Variants in TSBP1 observed in about 807,000 individuals in gnomAD.
The protein encoded by TSBP1 is testis-expressed basic protein 1.
Under a neutral mutation model 68.8 loss-of-function variants are expected in TSBP1, and 56 were observed. The observed-to-expected ratio is 0.81, with a 90% confidence interval of 0.66 to 1.02. TSBP1 has a LOEUF of 1.02. Among genes scored for constraint, TSBP1 ranks in the 50% least tolerant of loss-of-function variants. The pLI is 0.00. For missense variants in TSBP1, 502 were observed against 641.2 expected (o/e 0.78, Z 2.34); for synonymous variants, 171 against 208.7 (o/e 0.82, Z 1.56).
Position 32,321,941 on chromosome 6 carries a change from A to G in TSBP1, c.559+1176T>C, listed in dbSNP as rs995166609. Among the ~76,000 whole-genome samples, 4 of 152,228 alleles carry G rather than the reference A, an allele frequency of 2.6e-5. No homozygotes were observed. The highest frequency in any genetic ancestry group is 5.9e-5 in the Non-Finnish European group (4 of 68,040). Reference sequence around the variant, plus strand: ...GAAGAGGTTGGCTGGAGCAGGCAGCAGCTACCCTCTTCAGACTATATGTGT... The same window carrying G: ...GAAGAGGTTGGCTGGAGCAGGCAGCGGCTACCCTCTTCAGACTATATGTGT... On this transcript the variant is annotated intron_variant, in intron 18 of 22. Coordinates refer to ENST00000612031, the Ensembl canonical transcript of TSBP1. The surrounding 1 kb of genome is among the most constrained non-coding windows in gnomAD (Gnocchi z 4.3).
At position 32,330,511 on chromosome 6, in the gene TSBP1, T is replaced by C. The variant is rs1768852320; in HGVS notation, c.514+78A>G. Reference sequence around the variant, plus strand: ...TGGCAGTGAGACACATCTAGGGCATTTGAGACAGGGAACAGGCCCTCTAGA... The same window carrying C: ...TGGCAGTGAGACACATCTAGGGCATCTGAGACAGGGAACAGGCCCTCTAGA... On this transcript the variant is annotated intron_variant, in intron 16 of 22. Transcript: ENST00000612031. 24 of 1,364,908 alleles carry C rather than the reference T, an allele frequency of 1.8e-5. No individual in the cohort carries two copies. The South Asian group carries it at 2.4e-4, about 14-fold the overall frequency. The allele number at this position is 1,364,908 out of a possible 1,614,324, so 84.5% of individuals were successfully genotyped here.
At position 32,361,460 on chromosome 6, in the gene TSBP1, C is replaced by T. The variant is rs527507077; in HGVS notation, c.217+4707G>A. Among the ~76,000 whole-genome samples the T allele has an allele frequency of 6.6e-6, 1 of 152,284 alleles. No homozygotes were observed. The highest frequency in any genetic ancestry group is 2.4e-5 in the African/African-American group (1 of 41,554). ...GATCCTTGAGGAATCACCACACTGT[C>T]TTCCACAATGGTTGAACTAGTTTAC... On this transcript the variant is annotated intron_variant, in intron 6 of 22. Coordinates refer to ENST00000612031, the Ensembl canonical transcript of TSBP1. The surrounding 1 kb of genome is among the most constrained non-coding windows in gnomAD (Gnocchi z 4.3).
intron 2 of TSBP1, 22 bp downstream of exon 2, chr6:32,369,875 A>T: frequency 6.9e-7 from 1 of 1,454,710 alleles, no homozygotes; most frequent in Non-Finnish European, 9.7e-7. Context: ...GGAAATCTTC[A>T]TTTTGACTCA....
chr6:32,318,059 C>T (rs1018732650), intron 18 of TSBP1, among the ~76,000 whole-genome samples: 1 of 152,130 alleles, frequency 6.6e-6, no homozygotes, highest in Non-Finnish European at 1.5e-5. Flanking sequence ...CCTAAATGCC[C>T]GTCAACGATA....
intron 18 of TSBP1, 77 bp downstream of exon 20, chr6:32,322,409 A>G: frequency 1.9e-6 from 2 of 1,035,574 alleles, no homozygotes; most frequent in Non-Finnish European, 3.0e-6. Flanking sequence ...TATGAGAAAT[A>G]TGAGGCACTT....
intron 9 of TSBP1, among the ~76,000 whole-genome samples, chr6:32,344,860 T>G (rs9268269): frequency 0.74 from 108,035 of 145,214 alleles, 40,065 homozygotes; most frequent in South Asian, 0.85. Flanking sequence ...GGTTTTTTTT[T>G]TGGGGCTGGG....
rs1299171399 is a variant in TSBP1 at position 32,333,008 on chromosome 6, TTTG to T, written c.473-957_473-955del. On this transcript the variant is annotated intron_variant, in intron 14 of 22. Coordinates refer to ENST00000612031, the Ensembl canonical transcript of TSBP1. This position sits in a 1 kb window ranked among gnomAD's most constrained non-coding sequence, Gnocchi z 4.2. ...AATATCGAAAGCCTGTTATGTTTTT[TTTG>T]TTGTTGTTTTTTTTTTAGACAGAGT... is the stretch of plus-strand genomic sequence containing the variant. 6.6e-6 allele frequency among the ~76,000 whole-genome samples: 1 copy of T among 151,960 alleles called. No individual in the cohort carries two copies. Among genetic ancestry groups the T allele is most frequent in the Non-Finnish European group, 1.5e-5 (1 of 67,986 alleles).
rs545593480 is a variant in TSBP1 at position 32,302,869 on chromosome 6, C to T, written c.581-240G>A. ...CTCTAATTGAGCTCTCTGCTTTCAC[C>T]CTTGCCTCCCAGTCAGTTCCCAGTA... On this transcript the variant is annotated intron_variant, in intron 19 of 22. Transcript: ENST00000612031. This position sits in a 1 kb window ranked among gnomAD's most constrained non-coding sequence, Gnocchi z 5.1. 6.6e-6 allele frequency among the ~76,000 whole-genome samples: 1 copy of T among 152,296 alleles called. No homozygotes were observed. The highest frequency in any genetic ancestry group is 6.5e-5 in the Admixed American group (1 of 15,302).
chr6:32,334,317 T>C (rs1769395058), intron 14 of TSBP1, among the ~76,000 whole-genome samples: 1 of 150,948 alleles, frequency 6.6e-6, no homozygotes, highest in African/African-American at 2.4e-5. Flanking sequence ...ATTCTGTATC[T>C]GTTATTATTT....
At chr6:32,312,343 A>G (rs900370979) in intron 19 of TSBP1, among the ~76,000 whole-genome samples, 10 of 152,108 alleles carry the variant, frequency 6.6e-5, no homozygotes, top group Non-Finnish European at 1.2e-4. Context: ...AGCAACAAGG[A>G]GAGTGGACAG....
intron 8 of TSBP1, 156 bp from the exon 9 acceptor site, chr6:32,349,916 AG>A (rs555213481): frequency 1.1e-4 from 93 of 831,992 alleles, no homozygotes; most frequent in South Asian, 7.0e-4. Flanking sequence ...TGTGGTGAGC[AG>A]CTGGATATCT....
At chr6:32,332,135 CT>C (rs1242563989) in intron 14 of TSBP1, 81 bp from the exon 16 acceptor site, 1 of 1,035,826 alleles carries the variant, frequency 9.7e-7, no homozygotes, top group Non-Finnish European at 1.5e-6. Flanking sequence ...AGAAGTGAGG[CT>C]TTGAGAGGTA....
chr6:32,366,735 C>G (rs1408904335), intron 4 of TSBP1, among the ~76,000 whole-genome samples: 8 of 124,702 alleles, frequency 6.4e-5, no homozygotes, highest in Non-Finnish European at 9.6e-5. Flanking sequence ...TGCACTCCAG[C>G]CTGGGCGACA....
At chr6:32,324,264 AAAG>A (rs767071598) in intron 16 of TSBP1, 9 of 267,974 alleles carry the variant, frequency 3.4e-5, no homozygotes, top group Non-Finnish European at 6.7e-5. Context: ...AATGTGGAAA[AAAG>A]AGACCAGATA....
chr6:32,369,310 T>C (rs1468706955), intron 2 of TSBP1, among the ~76,000 whole-genome samples: 1 of 150,844 alleles, frequency 6.6e-6, no homozygotes, highest in African/African-American at 2.4e-5. Context: ...ACTCAGGTAA[T>C]TTCCCTTGGA....
intron 6 of TSBP1, among the ~76,000 whole-genome samples, chr6:32,358,122 C>G (rs1304309255): frequency 6.6e-6 from 1 of 152,122 alleles, no homozygotes; most frequent in East Asian, 1.9e-4. Context: ...AAATGCTCAC[C>G]AGAATGACTA....
intron 6 of TSBP1, among the ~76,000 whole-genome samples, chr6:32,356,218 G>A (rs1405703054): frequency 6.6e-6 from 1 of 152,100 alleles, no homozygotes; most frequent in African/African-American, 2.4e-5. Flanking sequence ...CTTTGTAGTT[G>A]ATTTAAATTA....
chr6:32,308,957 C>CCTTTTTTTTTT lies in TSBP1; in HGVS notation c.581-6329_581-6328insAAAAAAAAAAG, dbSNP rs1562075680. 2.5e-5 allele frequency among the ~76,000 whole-genome samples: 3 copies of CCTTTTTTTTTT among 122,048 alleles called. 1 individual carries two copies. Among genetic ancestry groups the CCTTTTTTTTTT allele is most frequent in the Non-Finnish European group, 1.7e-5 (1 of 60,394 alleles). 80.1% of individuals were successfully genotyped at this position (122,048 alleles called of 152,430 possible). On this transcript the variant is annotated intron_variant, in intron 19 of 22. Transcript: ENST00000612031. ...TCTCCTTCTCCTTCTTTTCTTCCTG[C>CCTTTTTTTTTT]TTTTTTTTTTTTTTTTTTGACAGGG...
chr6:32,293,996 T>G, exon 23 of TSBP1: 1 of 1,611,944 alleles, frequency 6.2e-7, no homozygotes, highest in Non-Finnish European at 8.5e-7. Context: ...GGAACAAGAT[T>G]TTTTTGCAAG....
Sources: gnomAD v4.1 joint callset for allele counts (sites outside exome capture counted in the v4.1 genomes callset) on GRCh38, gnomAD v4.1.1 for gene constraint, Gnocchi (gnomAD v3.1) non-coding constraint, MANE v1.5 for transcripts, NCBI Gene and HGNC (gene_info 2026-07-23, HGNC 2026-07-21) for gene names.